Variants in ZNF723 observed in about 807,000 individuals in gnomAD.
ZNF723 encodes zinc finger protein 723.
A neutral mutation model predicts 9.4 loss-of-function variants in ZNF723; 5 were observed. The ratio of observed to expected loss-of-function variants is 0.53; its 90% CI spans 0.28 to 1.12. ZNF723 has a LOEUF of 1.12. Ranked by LOEUF, ZNF723 falls within the 50% of genes most tolerant of loss-of-function variation. The probability of loss-of-function intolerance (pLI) is 0.10; values close to 1 mark genes in which losing one functional copy is unlikely to be tolerated. For missense variants in ZNF723, 450 were observed against 501.5 expected, an observed-to-expected ratio of 0.90 and a Z score of 0.98; for synonymous variants, 158 against 168.8, an observed-to-expected ratio of 0.94 and a Z score of 0.49.
chr19:22,847,921 T>G (rs1354758083), intron 1 of ZNF723, among the ~76,000 whole-genome samples: 1 of 151,966 alleles, frequency 6.6e-6, no homozygotes, highest in Non-Finnish European at 1.5e-5. Context: ...GCCAATATGA[T>G]GAAACCCCAT....
At chr19:22,843,007 C>A (rs182530559) in intron 1 of ZNF723, among the ~76,000 whole-genome samples, 1 of 152,104 alleles carries the variant, frequency 6.6e-6, no homozygotes, top group South Asian at 2.1e-4. Flanking sequence ...TGGCAGAATA[C>A]GTAAGTGTGA....
At chr19:22,830,399 C>T (rs187011718), upstream of ZNF723, among the ~76,000 whole-genome samples, 2 of 152,148 alleles carry the variant, frequency 1.3e-5, no homozygotes, top group African/African-American at 4.8e-5. Flanking sequence ...AACTCCTGAA[C>T]CCAAGTGATT....
chr19:22,852,396 A>G (rs1426055891), intron 3 of ZNF723, among the ~76,000 whole-genome samples: 2 of 152,164 alleles, frequency 1.3e-5, no homozygotes, highest in Non-Finnish European at 2.9e-5. Context: ...AGCAAAATCA[A>G]ATATTAGTCT....
intron 1 of ZNF723, among the ~76,000 whole-genome samples, chr19:22,846,813 CTTTTTTTTT>C (rs760924027): frequency 5.8e-5 from 4 of 69,132 alleles, no homozygotes; most frequent in African/African-American, 1.8e-4. Context: ...CTATAATTTC[CTTTTTTTTT>C]TTTTTTTTTT....
chr19:22,852,446 T>G (rs1027372287), intron 3 of ZNF723, among the ~76,000 whole-genome samples: 4 of 152,188 alleles, frequency 2.6e-5, no homozygotes, highest in African/African-American at 4.8e-5. Context: ...TATGTTTGTT[T>G]CCCTGTATAA....
chr19:22,825,610 C>T, the ZNF723 span, among the ~76,000 whole-genome samples: 1 of 152,096 alleles, frequency 6.6e-6, no homozygotes, highest in African/African-American at 2.4e-5. Context: ...TTTTCTCCTG[C>T]CTGGTTCCTA....
the ZNF723 span, among the ~76,000 whole-genome samples, chr19:22,822,370 G>C: frequency 5.2e-3 from 786 of 152,314 alleles, 2 homozygotes; most frequent in Non-Finnish European, 8.2e-3. Flanking sequence ...CCAGCTCAGA[G>C]GCACAGTGAT....
intron 3 of ZNF723, among the ~76,000 whole-genome samples, chr19:22,855,734 C>T (rs1349895163): frequency 1.3e-5 from 2 of 152,104 alleles, no homozygotes; most frequent in Non-Finnish European, 2.9e-5. Flanking sequence ...CACACAGTTC[C>T]CTTCTGGCCT....
At chr19:22,852,742 G>GTCC (rs1035382344) in intron 3 of ZNF723, among the ~76,000 whole-genome samples, 2 of 152,050 alleles carry the variant, frequency 1.3e-5, no homozygotes, top group African/African-American at 4.8e-5. Flanking sequence ...TATTGACAAT[G>GTCC]CTATGCAACA....
chr19:22,814,218 G>T, the ZNF723 span, among the ~76,000 whole-genome samples: 1 of 152,168 alleles, frequency 6.6e-6, no homozygotes, highest in African/African-American at 2.4e-5. Context: ...TACCTTAGAT[G>T]CACTCATAGG....
At chr19:22,820,221 C>G in the ZNF723 span, among the ~76,000 whole-genome samples, 5 of 152,166 alleles carry the variant, frequency 3.3e-5, no homozygotes, top group Admixed American at 1.3e-4. Flanking sequence ...AGATGTGACC[C>G]TTTTCTGCCT....
chr19:22,853,678 C>A (rs1967429322), intron 3 of ZNF723, among the ~76,000 whole-genome samples: 2 of 152,130 alleles, frequency 1.3e-5, no homozygotes, highest in Non-Finnish European at 2.9e-5. Context: ...GGCTGGAGTG[C>A]AATGGCCTGA....
chr19:22,829,279 C>T (rs562609157), upstream of ZNF723, among the ~76,000 whole-genome samples: 2 of 140,140 alleles, frequency 1.4e-5, no homozygotes, highest in Non-Finnish European at 3.0e-5. Context: ...TTTGACACTA[C>T]GTAAGTACTC....
At chr19:22,833,442 C>T (rs898360136) in intron 1 of ZNF723, among the ~76,000 whole-genome samples, 1 of 151,980 alleles carries the variant, frequency 6.6e-6, no homozygotes, top group Non-Finnish European at 1.5e-5. Flanking sequence ...TGAGCCACCG[C>T]TTCTGGCTAT....
chr19:22,826,976 A>T, the ZNF723 span, among the ~76,000 whole-genome samples: 2 of 152,232 alleles, frequency 1.3e-5, no homozygotes, highest in Non-Finnish European at 2.9e-5. Context: ...CATAAGTCAA[A>T]AATAACTTCT....
chr19:22,847,748 A>C (rs926107314), intron 1 of ZNF723, among the ~76,000 whole-genome samples: 1 of 152,146 alleles, frequency 6.6e-6, no homozygotes, highest in African/African-American at 2.4e-5. Flanking sequence ...GATGTTGTGG[A>C]TCTTATTCCA....
At chr19:22,827,722 A>G (rs956113110), upstream of ZNF723, among the ~76,000 whole-genome samples, 3 of 152,022 alleles carry the variant, frequency 2.0e-5, no homozygotes, top group African/African-American at 7.2e-5. Flanking sequence ...GTGTTAGGAA[A>G]CAGGCCACCG....
At chr19:22,822,798 C>T in the ZNF723 span, among the ~76,000 whole-genome samples, 1 of 152,000 alleles carries the variant, frequency 6.6e-6, no homozygotes, top group East Asian at 1.9e-4. Context: ...GGAGGCAAAG[C>T]TTGCAGTGAG....
At chr19:22,828,841 A>T (rs193255443), upstream of ZNF723, among the ~76,000 whole-genome samples, 1 of 152,286 alleles carries the variant, frequency 6.6e-6, no homozygotes, top group Non-Finnish European at 1.5e-5. Flanking sequence ...TGGAAACAGC[A>T]GATTTCAACA....
Sources: gnomAD v4.1 joint callset for allele counts (sites outside exome capture counted in the v4.1 genomes callset) on GRCh38, gnomAD v4.1.1 for gene constraint, MANE v1.5 for transcripts, NCBI Gene and HGNC (gene_info 2026-07-23, HGNC 2026-07-21) for gene names.